The following PALM2AKAP2 variants were observed in gnomAD, a reference collection of about 807,000 sequenced individuals.
PALM2AKAP2 encodes PALM2-AKAP2 fusion protein.
PALM2AKAP2 carries 37 observed loss-of-function variants against 71.5 expected under a neutral mutation model. The observed-to-expected ratio is 0.52, with a 90% CI of 0.40 to 0.68. The LOEUF is 0.68. Among genes scored for constraint, PALM2AKAP2 ranks in the 30% least tolerant of loss-of-function variants. PALM2AKAP2 has a pLI of 0.00. For synonymous variants in PALM2AKAP2, 468 were observed against 478.8 expected, an observed-to-expected ratio of 0.98 and a Z score of 0.29; for missense variants, 1,224 against 1,191.8, an observed-to-expected ratio of 1.03 and a Z score of -0.40.
chr9:109,952,036 C>T (rs1023319907), intron 6 of PALM2AKAP2, among the ~76,000 whole-genome samples: 10 of 152,234 alleles, frequency 6.6e-5, no homozygotes, highest in Non-Finnish European at 7.3e-5. Context: ...CTCTTGTTCA[C>T]CTCTCTTTAC....
chr9:109,907,780 C>T (rs569241797), intron 3 of PALM2AKAP2, among the ~76,000 whole-genome samples: 5 of 152,258 alleles, frequency 3.3e-5, no homozygotes, highest in East Asian at 3.9e-4. Context: ...ATGTCAAGCA[C>T]GGAAAACACA....
chr9:109,803,672 A>G (rs957119880), intron 1 of PALM2AKAP2, among the ~76,000 whole-genome samples: 1 of 152,194 alleles, frequency 6.6e-6, no homozygotes, highest in Non-Finnish European at 1.5e-5. Flanking sequence ...CAGCTGCAGG[A>G]GGCAGGAAAG....
intron 3 of PALM2AKAP2, among the ~76,000 whole-genome samples, chr9:109,913,843 G>A (rs1288439173): frequency 2.1e-5 from 3 of 145,854 alleles, no homozygotes; most frequent in South Asian, 2.2e-4. Flanking sequence ...TGCAAGCTCC[G>A]CCTCCTGGGT....
At chr9:109,758,730 C>T (rs965159324) in intron 1 of PALM2AKAP2, among the ~76,000 whole-genome samples, 1 of 152,038 alleles carries the variant, frequency 6.6e-6, no homozygotes, top group Non-Finnish European at 1.5e-5. Context: ...CAGCTTCTCC[C>T]AGCTTTAACA....
At chr9:109,843,561 C>T (rs1003517236) in intron 1 of PALM2AKAP2, among the ~76,000 whole-genome samples, 1 of 151,908 alleles carries the variant, frequency 6.6e-6, no homozygotes, top group African/African-American at 2.4e-5. Context: ...AAATATTTTA[C>T]AGATTAGAGT....
intron 1 of PALM2AKAP2, among the ~76,000 whole-genome samples, chr9:109,843,136 G>A (rs149998938): frequency 0.13 from 1,636 of 12,754 alleles, 41 homozygotes; most frequent in African/African-American, 0.41. Flanking sequence ...ATGAAACTCG[G>A]TCTCAAAAAA....
Position 110,143,787 on chromosome 9 carries a change from T to C in PALM2AKAP2, c.2569+5248T>C, listed in dbSNP as rs193170596. On this transcript the variant is annotated intron_variant, in intron 2 of 3. Transcript: ENST00000374525. ...GTCAGATCATTCACCCCGTGAGACC[T>C]ACATTATGGAGAGTGGCAAAAGAGA... 3.9e-5 allele frequency among the ~76,000 whole-genome samples: 6 copies of C among 152,358 alleles called. No homozygotes were observed. In the East Asian group the frequency reaches 9.6e-4, roughly 24 times the overall value.
chr9:110,023,107 C>T (rs1270591861), intron 7 of PALM2AKAP2, among the ~76,000 whole-genome samples: 2 of 151,236 alleles, frequency 1.3e-5, no homozygotes, highest in African/African-American at 4.9e-5. Context: ...AATGGGATGG[C>T]TGGGTCAAAT....
At chr9:110,137,714 A>C in exon 2 of PALM2AKAP2, 1 of 1,614,178 alleles carries the variant, frequency 6.2e-7, no homozygotes, top group Non-Finnish European at 8.5e-7. Context: ...GACCCTATCC[A>C]ATGATTTCAG....
At chr9:109,859,663 A>G (rs1829260811) in intron 1 of PALM2AKAP2, among the ~76,000 whole-genome samples, 1 of 152,254 alleles carries the variant, frequency 6.6e-6, no homozygotes, top group Admixed American at 6.5e-5. Context: ...AATCAGTTGA[A>G]GAAAAGAGAA....
rs144836087 is a variant in PALM2AKAP2, at chr9:109,981,924, C to T, written c.497-34030C>T. 3.3e-3 allele frequency among the ~76,000 whole-genome samples: 498 copies of T among 152,170 alleles called. 3 individuals are homozygous for T. The highest frequency in any genetic ancestry group is 0.011 in the African/African-American group (456 of 41,516). ...AAAAACTAAAATTAGAGCTACCATA[C>T]GATCCAGCAATCCCACTGATGGGTA... On this transcript the variant is annotated intron_variant, in intron 6 of 9. Transcript: ENST00000302798.
chr9:110,162,022 T>C, intron 3 of PALM2AKAP2, 72 bp from the exon 10 acceptor site: 1 of 1,578,088 alleles, frequency 6.3e-7, no homozygotes, highest in East Asian at 2.2e-5. Flanking sequence ...GTGGTGCCTG[T>C]TCCCGGCTAG....
intron 1 of PALM2AKAP2, among the ~76,000 whole-genome samples, chr9:109,688,117 T>C (rs1451459591): frequency 6.6e-6 from 1 of 152,196 alleles, no homozygotes; most frequent in Non-Finnish European, 1.5e-5. Flanking sequence ...ACAGATATGA[T>C]AATGATGAAA....
At chr9:109,640,995 G>C in intron 1 of PALM2AKAP2, 1 of 1,314,284 alleles carries the variant, frequency 7.6e-7, no homozygotes, top group South Asian at 1.6e-5. Context: ...CCGTGTGTAC[G>C]CCTGGTGTTT....
chr9:109,879,494 T>G (rs945668277), intron 2 of PALM2AKAP2, among the ~76,000 whole-genome samples: 2 of 152,190 alleles, frequency 1.3e-5, no homozygotes, highest in Non-Finnish European at 2.9e-5. Flanking sequence ...AGGGACCATA[T>G]AAGTGGAACC....
intron 3 of PALM2AKAP2, among the ~76,000 whole-genome samples, chr9:109,883,832 G>A (rs974891817): frequency 5.9e-5 from 9 of 152,188 alleles, no homozygotes; most frequent in East Asian, 5.8e-4. Context: ...TCTAATCTGC[G>A]TGTTGCCTGA....
In PALM2AKAP2 at chr9:109,948,684, A is replaced by C. The variant is rs539204558; in HGVS notation, c.496+16656A>C. Among the ~76,000 whole-genome samples, 3 of 152,338 alleles carry C rather than the reference A, an allele frequency of 2.0e-5. No individual in the cohort carries two copies. The East Asian group carries it at 5.8e-4, about 29-fold the overall frequency. On this transcript the variant is annotated intron_variant, in intron 6 of 9. Transcript: ENST00000302798. ...TTGCAAGTCACTGCATTTTTACAAA[A>C]AATAAAAATAAAAAGTACATCTCAC...
intron 1 of PALM2AKAP2, among the ~76,000 whole-genome samples, chr9:109,730,726 G>A (rs937507596): frequency 6.6e-6 from 1 of 152,086 alleles, no homozygotes; most frequent in Non-Finnish European, 1.5e-5. Flanking sequence ...AGTCCTTAAG[G>A]AATGATAATC....
chr9:109,756,990 T>C (rs1828973235), intron 1 of PALM2AKAP2, among the ~76,000 whole-genome samples: 1 of 152,166 alleles, frequency 6.6e-6, no homozygotes, highest in South Asian at 2.1e-4. Flanking sequence ...GTCCTCTTTC[T>C]AGCTATTTTG....
Sources: allele counts gnomAD v4.1 joint callset (sites outside exome capture counted in the v4.1 genomes callset), GRCh38; gene constraint gnomAD v4.1.1; transcripts MANE v1.5; gene names NCBI Gene and HGNC (gene_info 2026-07-23, HGNC 2026-07-21).